Variants in KIAA0319 observed in about 807,000 individuals in gnomAD.
KIAA0319 encodes dyslexia-associated protein KIAA0319.
KIAA0319 carries 83 observed loss-of-function variants against 108.4 expected under a neutral mutation model. That is an observed-to-expected ratio of 0.77 (90% CI 0.64 to 0.92). The LOEUF is 0.92. Among genes scored for constraint, KIAA0319 ranks in the 40% least tolerant of loss-of-function variants. KIAA0319 has a pLI of 0.00. For synonymous variants in KIAA0319, 484 were observed against 510.4 expected, an observed-to-expected ratio of 0.95 and a Z score of 0.70; for missense variants, 1,195 against 1,322.4, an observed-to-expected ratio of 0.90 and a Z score of 1.49.
rs181982675 is a variant in KIAA0319 at position 24,570,417 on chromosome 6, T to C, written c.1859-382A>G. Among the ~76,000 whole-genome samples, 196 of 151,960 alleles carry C rather than the reference T, an allele frequency of 1.3e-3. 1 individual carries two copies. Among genetic ancestry groups the C allele is most frequent in the African/African-American group, 4.7e-3 (194 of 41,416 alleles). ...TCCTGGCTAACACGGTGAAACCCCG[T>C]CTCTACTAAAAATACAAAAAATTAG... On this transcript the variant is annotated intron_variant, in intron 11 of 20. Transcript: ENST00000378214.
intron 1 of KIAA0319, among the ~76,000 whole-genome samples, chr6:24,629,325 C>T (rs1775175686): frequency 1.3e-5 from 2 of 151,872 alleles, no homozygotes; most frequent in Non-Finnish European, 2.9e-5. Flanking sequence ...ACCATCCTGG[C>T]TAACACGGTG....
chr6:24,557,350 T>C (rs747279574), intron 17 of KIAA0319, among the ~76,000 whole-genome samples: 4 of 150,224 alleles, frequency 2.7e-5, no homozygotes, highest in Non-Finnish European at 5.9e-5. Flanking sequence ...AAAAATACAA[T>C]AAATTAGCTG....
intron 10 of KIAA0319, among the ~76,000 whole-genome samples, chr6:24,574,799 T>TG (rs1349501955): frequency 6.7e-6 from 1 of 150,068 alleles, no homozygotes; most frequent in Non-Finnish European, 1.5e-5. Context: ...TAAGAACTTT[T>TG]GAAAAAAAAA....
intron 1 of KIAA0319, among the ~76,000 whole-genome samples, chr6:24,618,409 G>A (rs972169398): frequency 2.0e-5 from 3 of 152,010 alleles, no homozygotes; most frequent in Non-Finnish European, 2.9e-5. Context: ...AGGAGTTTGA[G>A]ACCAGCCTAG....
intron 8 of KIAA0319, among the ~76,000 whole-genome samples, chr6:24,579,523 T>TTATA (rs201544433): frequency 1.4e-5 from 2 of 145,682 alleles, no homozygotes; most frequent in African/African-American, 2.5e-5. Context: ...CTTATATATC[T>TTATA]TATATATATA....
chr6:24,645,915 T>C lies in KIAA0319; in HGVS notation c.-285A>G, dbSNP rs1276160619. The C allele has an allele frequency of 6.6e-6, 1 of 151,868 alleles. No individual in the cohort carries two copies. Among genetic ancestry groups the C allele is most frequent in the East Asian group, 2.0e-4 (1 of 5,116 alleles). The allele number at this position is 151,868 out of a possible 1,614,324, so 9.4% of individuals were successfully genotyped here. ...TTCACACCCTCGCGCGCGCACCTGC[T>C]GTTAAGAGGTACAGCCCCACCCCAG... On this transcript the variant is annotated 5_prime_UTR_variant, in exon 1 of 21. Transcript: ENST00000378214.
chr6:24,558,150 C>A (rs375755587), intron 17 of KIAA0319, among the ~76,000 whole-genome samples: 18 of 151,908 alleles, frequency 1.2e-4, no homozygotes, highest in African/African-American at 4.1e-4. Context: ...GGCGTGGTGG[C>A]TCAGCACTTT....
chr6:24,635,571 T>C (rs1776095455), intron 1 of KIAA0319, among the ~76,000 whole-genome samples: 1 of 152,194 alleles, frequency 6.6e-6, no homozygotes, highest in African/African-American at 2.4e-5. Context: ...AGATATTCAA[T>C]ATGAGAGAAA....
chr6:24,583,644 T>A lies in KIAA0319; in HGVS notation c.1053A>T (p.Glu351Asp). ...GCGCAACAAAGGCCTTCAGTTCAAC[T>A]TCATTGTCGGGTAAAGTTATAATTA... Reference protein sequence around the residue: ...DNLIITLPDNEVELKAFVAPA... With the variant: ...DNLIITLPDNDVELKAFVAPA... The change falls in exon 5 of 21, where the codon GAA becomes GAT. Residue 351 changes from glutamate (E) to aspartate (D), a missense_variant. Glu to Asp is a conservative substitution (Grantham distance 45). Coordinates refer to ENST00000378214, the MANE Select transcript of KIAA0319 (RefSeq NM_014809.4). 2.5e-6 allele frequency: 4 copies of A among 1,613,998 alleles called. No homozygotes were observed. Among genetic ancestry groups the A allele is most frequent in the Non-Finnish European group, 3.4e-6 (4 of 1,179,904 alleles).
intron 1 of KIAA0319, among the ~76,000 whole-genome samples, chr6:24,624,580 G>T (rs1000709129): frequency 6.6e-6 from 1 of 152,082 alleles, no homozygotes; most frequent in East Asian, 1.9e-4. Context: ...AATAGAAAAT[G>T]ATCTATTAGA....
At chr6:24,611,245 A>G (rs1414885212) in intron 1 of KIAA0319, among the ~76,000 whole-genome samples, 2 of 151,122 alleles carry the variant, frequency 1.3e-5, no homozygotes, top group African/African-American at 4.9e-5. Flanking sequence ...TAATCCCAGC[A>G]CCCAGCACTT....
At chr6:24,542,791 A>C (rs1760249332), downstream of KIAA0319, among the ~76,000 whole-genome samples, 1 of 152,180 alleles carries the variant, frequency 6.6e-6, no homozygotes, top group African/African-American at 2.4e-5. Flanking sequence ...CCCAAAACCC[A>C]CACCTTTGTT....
At chr6:24,608,111 TAGCAAC>T (rs1297953944) in intron 1 of KIAA0319, among the ~76,000 whole-genome samples, 2 of 152,032 alleles carry the variant, frequency 1.3e-5, no homozygotes, top group Non-Finnish European at 2.9e-5. Context: ...TAGAGGACTA[TAGCAAC>T]AGCAACAGAC....
chr6:24,542,962 A>G (rs1760261110), downstream of KIAA0319, among the ~76,000 whole-genome samples: 1 of 152,210 alleles, frequency 6.6e-6, no homozygotes, highest in African/African-American at 2.4e-5. Context: ...TCAATCCTTC[A>G]TTTACATATG....
Position 24,554,648 on chromosome 6 carries a change from C to A in KIAA0319, c.2858-17G>T. 6.5e-7 allele frequency: 1 copy of A among 1,532,044 alleles called. No individual in the cohort carries two copies. The highest frequency in any genetic ancestry group is 9.0e-7 in the Non-Finnish European group (1 of 1,107,396). The allele number at this position is 1,532,044 out of a possible 1,614,324, so 94.9% of individuals were successfully genotyped here. On this transcript the variant is annotated splice_polypyrimidine_tract_variant and intron_variant, in intron 18 of 20. Transcript: ENST00000378214. ...TACTCCACTCTGAAACACAAGAAAA[C>A]CAAAGTGGACATAGTTACAGGCTAT...
Position 24,580,936 on chromosome 6 carries a change from A to G in KIAA0319, c.1269T>C (p.Thr423=). The G allele has an allele frequency of 2.5e-6, 4 of 1,609,102 alleles. No homozygotes were observed. The highest frequency in any genetic ancestry group is 2.2e-5 in the South Asian group (2 of 90,978). ...NAFGEGFVNV[T]VKPARRVNLP... ...CTTACACCGGCTTACCAGGCTTAAC[A>G]GTGACATTGACAAATCCTTCTCCAA... The change falls in exon 7 of 21, where the codon ACT becomes ACC. Residue 423 remains threonine (T), a synonymous_variant. Coordinates refer to ENST00000378214, the MANE Select transcript of KIAA0319 (RefSeq NM_014809.4).
In KIAA0319 at chr6:24,547,299, A is replaced by T. The variant is rs567594992; in HGVS notation, c.3085T>A (p.Ser1029Thr). Reference sequence around the variant, plus strand: ...TGGTCACTGTCAAACTCAGACTCGGATACCATCAGGCTGGAGTTGTGCTCT... The same window carrying T: ...TGGTCACTGTCAAACTCAGACTCGGTTACCATCAGGCTGGAGTTGTGCTCT... ...STEHNSSLMV[S>T]ESEFDSDQDT... is the part of the protein sequence containing the mutation. Residue 1029 changes from serine (S) to threonine (T), a missense_variant, in exon 21 of 21, where the codon TCC (serine) becomes ACC (threonine). Physicochemically the swap from Ser to Thr is moderately conservative, Grantham distance 58. Transcript: ENST00000378214. The T allele has an allele frequency of 2.5e-6, 4 of 1,614,156 alleles. No homozygotes were observed. In the East Asian group the frequency reaches 6.7e-5, roughly 27 times the overall value.
Position 24,578,203 on chromosome 6 carries a change from T to C in KIAA0319, c.1412A>G (p.Glu471Gly), listed in dbSNP as rs758232633. 2.5e-6 allele frequency: 4 copies of C among 1,607,768 alleles called. No homozygotes were observed. The highest frequency in any genetic ancestry group is 3.4e-6 in the Non-Finnish European group (4 of 1,174,546). Residue 471 changes from glutamate (E) to glycine (G), a missense_variant, in exon 9 of 21, where the codon GAA becomes GGA. Physicochemically the swap from Glu to Gly is moderately conservative, Grantham distance 98 (BLOSUM62 -2). Coordinates refer to ENST00000378214, the MANE Select transcript of KIAA0319 (RefSeq NM_014809.4). ...DDTEIVSYHW[E>G]EINGPFIEEK... ...TTCTATGAAGGGCCCGTTTATTTCTTCCCAATGATAACTCACTATTTCAGT... is the reference window on the plus strand; with the variant it reads ...TTCTATGAAGGGCCCGTTTATTTCTCCCCAATGATAACTCACTATTTCAGT...
chr6:24,618,689 CA>C (rs1773499281), intron 1 of KIAA0319, among the ~76,000 whole-genome samples: 1 of 150,240 alleles, frequency 6.7e-6, no homozygotes, highest in Admixed American at 6.6e-5. Flanking sequence ...AGAAAAGCAA[CA>C]GAAAAGAAAG....
Sources: allele counts gnomAD v4.1 joint callset (sites outside exome capture counted in the v4.1 genomes callset), GRCh38; gene constraint gnomAD v4.1.1; transcripts MANE v1.5; gene names NCBI Gene and HGNC (gene_info 2026-07-23, HGNC 2026-07-21).